The following DPP10 variants were observed in gnomAD, a reference collection of about 807,000 sequenced individuals.
The protein encoded by DPP10 is dipeptidyl peptidase like 10, also known as inactive dipeptidyl peptidase 10.
A neutral mutation model predicts 120.9 loss-of-function variants in DPP10; 33 were observed. That is an observed-to-expected ratio of 0.27 (90% CI 0.21 to 0.37). The LOEUF (loss-of-function observed/expected upper bound fraction) is 0.37. Ranked by LOEUF, DPP10 falls within the 10% of genes least tolerant of loss-of-function variation. The pLI is 1.00. For synonymous variants in DPP10, 337 were observed against 326.1 expected, an observed-to-expected ratio of 1.03 and a Z score of -0.36; for missense variants, 816 against 942.8, an observed-to-expected ratio of 0.87 and a Z score of 1.76.
At chr2:114,670,049 G>C (rs564061667) in intron 1 of DPP10, among the ~76,000 whole-genome samples, 1 of 152,168 alleles carries the variant, frequency 6.6e-6, no homozygotes, top group African/African-American at 2.4e-5. Flanking sequence ...TGGAGAAATA[G>C]GAACACTTTT....
At chr2:115,204,855 A>C (rs969410857) in intron 1 of DPP10, among the ~76,000 whole-genome samples, 4 of 152,152 alleles carry the variant, frequency 2.6e-5, no homozygotes, top group Admixed American at 6.6e-5. Context: ...AGTGATGTTA[A>C]GTATTTTTTC....
At chr2:115,723,504 T>C (rs915417490) in intron 7 of DPP10, among the ~76,000 whole-genome samples, 1 of 152,212 alleles carries the variant, frequency 6.6e-6, no homozygotes, top group African/African-American at 2.4e-5. Flanking sequence ...AGTTTTCATC[T>C]TGACTCTGAC....
At chr2:115,738,650 C>T (rs1676897251) in intron 8 of DPP10, among the ~76,000 whole-genome samples, 1 of 152,184 alleles carries the variant, frequency 6.6e-6, no homozygotes, top group Non-Finnish European at 1.5e-5. Flanking sequence ...ATTGATTACT[C>T]ACAGTTCCGT....
intron 4 of DPP10, among the ~76,000 whole-genome samples, chr2:115,518,262 T>C (rs532167859): frequency 6.8e-4 from 104 of 152,312 alleles, no homozygotes; most frequent in Non-Finnish European, 1.0e-3. Context: ...ATATCAAATA[T>C]GGTATCACTG....
At chr2:115,745,628 G>T (rs773935495) in intron 9 of DPP10, among the ~76,000 whole-genome samples, 4 of 150,524 alleles carry the variant, frequency 2.7e-5, no homozygotes, top group Non-Finnish European at 4.4e-5. Context: ...AGGGCACCTG[G>T]TTTTGGTAGG....
intron 1 of DPP10, among the ~76,000 whole-genome samples, chr2:114,796,710 C>T (rs1683748766): frequency 6.6e-6 from 1 of 152,100 alleles, no homozygotes. Context: ...TTTGCATGTT[C>T]CTTTTAGGAA....
At chr2:114,818,034 C>T (rs1014418704) in intron 1 of DPP10, among the ~76,000 whole-genome samples, 9 of 151,882 alleles carry the variant, frequency 5.9e-5, no homozygotes, top group African/African-American at 1.9e-4. Context: ...AGAAACATTC[C>T]GAACTAAGGA....
chr2:114,461,349 CT>C (rs1270241720), intron 1 of DPP10, among the ~76,000 whole-genome samples: 2 of 152,148 alleles, frequency 1.3e-5, no homozygotes, highest in Non-Finnish European at 2.9e-5. Context: ...TTTGAGCCAT[CT>C]TTGTTGCAGG....
intron 1 of DPP10, among the ~76,000 whole-genome samples, chr2:115,128,316 A>G (rs2050178263): frequency 6.6e-6 from 1 of 152,088 alleles, no homozygotes; most frequent in Non-Finnish European, 1.5e-5. Flanking sequence ...TATTTTGTTG[A>G]TGCATCAAAA....
At chr2:114,883,191 G>A (rs116434515) in intron 1 of DPP10, among the ~76,000 whole-genome samples, 15 of 152,290 alleles carry the variant, frequency 9.8e-5, no homozygotes, top group African/African-American at 2.9e-4. Flanking sequence ...TAGCTACTAC[G>A]CATTATCTGG....
intron 1 of DPP10, among the ~76,000 whole-genome samples, chr2:114,607,715 T>G (rs967086720): frequency 6.6e-6 from 1 of 152,182 alleles, no homozygotes; most frequent in Admixed American, 6.6e-5. Context: ...AAACACCTTT[T>G]CTTCTTTGCC....
chr2:115,047,642 A>G (rs1298392468), intron 1 of DPP10, among the ~76,000 whole-genome samples: 6 of 152,150 alleles, frequency 3.9e-5, no homozygotes, highest in Non-Finnish European at 7.4e-5. Flanking sequence ...TGTAAAAAAA[A>G]GCACCTTGAT....
chr2:115,033,893 CTTTTT>C (rs965717193), intron 1 of DPP10, among the ~76,000 whole-genome samples: 2 of 89,862 alleles, frequency 2.2e-5, no homozygotes, highest in African/African-American at 4.4e-5. Flanking sequence ...TTTTCTTTTT[CTTTTT>C]TTTTTTTTTT....
intron 1 of DPP10, among the ~76,000 whole-genome samples, chr2:114,755,803 A>G (rs1190985085): frequency 6.6e-6 from 1 of 152,220 alleles, no homozygotes; most frequent in East Asian, 1.9e-4. Flanking sequence ...GTAGTCACAC[A>G]CATGCATTCA....
chr2:115,191,941 T>C (rs2054913342), intron 1 of DPP10, among the ~76,000 whole-genome samples: 2 of 152,278 alleles, frequency 1.3e-5, no homozygotes, highest in South Asian at 4.1e-4. Context: ...AGATCAGTAG[T>C]AGAATGTAGA....
chr2:114,696,534 T>C (rs887436131), intron 1 of DPP10, among the ~76,000 whole-genome samples: 1 of 152,038 alleles, frequency 6.6e-6, no homozygotes, highest in African/African-American at 2.4e-5. Flanking sequence ...ACAATGGAAA[T>C]TTTAAAAGAG....
chr2:114,925,927 C>T (rs918742042), intron 1 of DPP10, among the ~76,000 whole-genome samples: 17 of 152,168 alleles, frequency 1.1e-4, no homozygotes, highest in Non-Finnish European at 2.2e-4. Context: ...TCCTGAGTGT[C>T]TAGTACATAC....
chr2:115,289,741 A>T (rs1417550334), intron 1 of DPP10, among the ~76,000 whole-genome samples: 1 of 152,100 alleles, frequency 6.6e-6, no homozygotes, highest in African/African-American at 2.4e-5. Flanking sequence ...AAAAATATCC[A>T]CTGGGGAAAG....
chr2:114,553,887 T>C (rs1245755366), intron 1 of DPP10, among the ~76,000 whole-genome samples: 2 of 152,212 alleles, frequency 1.3e-5, no homozygotes, highest in Non-Finnish European at 2.9e-5. Context: ...TGTTTCAGGA[T>C]TGGAAATATC....
Sources: allele counts gnomAD v4.1 joint callset (sites outside exome capture counted in the v4.1 genomes callset), GRCh38; gene constraint gnomAD v4.1.1; transcripts MANE v1.5; gene names NCBI Gene and HGNC (gene_info 2026-07-23, HGNC 2026-07-21).